Variants in ZSCAN20 observed in about 807,000 individuals in gnomAD.
ZSCAN20 encodes zinc finger and SCAN domain-containing protein 20.
ZSCAN20 carries 39 observed loss-of-function variants against 97.1 expected under a neutral mutation model. The observed-to-expected ratio is 0.40, with a 90% CI of 0.31 to 0.52. ZSCAN20 has a LOEUF of 0.52. Ranked by LOEUF, ZSCAN20 falls within the 20% of genes least tolerant of loss-of-function variation. The pLI is 0.49. For synonymous variants in ZSCAN20, 456 were observed against 467.3 expected, an observed-to-expected ratio of 0.98 and a Z score of 0.31; for missense variants, 1,115 against 1,290.4, an observed-to-expected ratio of 0.86 and a Z score of 2.08.
At position 33,479,718 on chromosome 1, in the gene ZSCAN20, G is replaced by A; in HGVS notation, c.417+13G>A. ...TGCAGGACAGTCGGTGAGACAAACA[G>A]TCTTCTCCTGCAGAGGAGTGGGTCA... On this transcript the variant is annotated intron_variant, in intron 2 of 7. Coordinates refer to ENST00000684572, the MANE Select transcript of ZSCAN20 (RefSeq NM_001377376.1). 6.7e-7 allele frequency: 1 copy of A among 1,496,940 alleles called. No individual in the cohort carries two copies. The highest frequency in any genetic ancestry group is 8.9e-7 in the Non-Finnish European group (1 of 1,122,624). 92.7% of individuals were successfully genotyped at this position (1,496,940 alleles called of 1,614,324 possible).
chr1:33,482,298 AT>A (rs1652185246), intron 2 of ZSCAN20, among the ~76,000 whole-genome samples: 1 of 152,230 alleles, frequency 6.6e-6, no homozygotes, highest in African/African-American at 2.4e-5. Flanking sequence ...CTTTTAAAAA[AT>A]GTTACATAGT....
At chr1:33,481,442 G>C (rs1652152917) in intron 2 of ZSCAN20, among the ~76,000 whole-genome samples, 1 of 152,104 alleles carries the variant, frequency 6.6e-6, no homozygotes, top group Non-Finnish European at 1.5e-5. Context: ...AAAAAAATAA[G>C]GTAATGGAAT....
chr1:33,479,530 G>A lies in ZSCAN20; in HGVS notation c.242G>A (p.Arg81Lys), dbSNP rs750191938. 3 of 1,613,514 alleles carry A rather than the reference G, an allele frequency of 1.9e-6. No individual in the cohort carries two copies. Among genetic ancestry groups the A allele is most frequent in the Admixed American group, 3.3e-5 (2 of 59,968 alleles). Residue 81 changes from arginine to lysine, a missense_variant, in exon 2 of 8, where the codon AGG becomes AAG. This residue lies in a region of ZSCAN20 where 508 missense variants were observed against 611.2 expected (regional missense o/e 0.83). Coordinates refer to ENST00000684572, the MANE Select transcript of ZSCAN20 (RefSeq NM_001377376.1). ...QLWALCCRWL[R>K]PEIRLKEQIL... ...TGGGCTCTCTGCTGTCGTTGGCTGA[G>A]GCCGGAGATCCGTCTCAAAGAGCAG...
chr1:33,482,071 A>G (rs1557437426), intron 2 of ZSCAN20, among the ~76,000 whole-genome samples: 1 of 152,176 alleles, frequency 6.6e-6, no homozygotes, highest in East Asian at 1.9e-4. Flanking sequence ...AGTTTATGTT[A>G]GGGCTCTTAA....
chr1:33,489,320 C>T, intron 4 of ZSCAN20, 129 bp downstream of exon 4: 2 of 1,093,894 alleles, frequency 1.8e-6, no homozygotes, highest in Non-Finnish European at 2.7e-6. Flanking sequence ...TTAGCCTTTG[C>T]CCTTCACCCC....
At position 33,495,677 on chromosome 1, in the gene ZSCAN20, C is replaced by A; in HGVS notation, c.*201C>A. ...GCACTTTTAAGTGTAATTTGTTTTT[C>A]TTCTGTAAAGACCCACACAGAATCC... On this transcript the variant is annotated 3_prime_UTR_variant, in exon 8 of 8. Transcript: ENST00000684572. 1 of 444,952 alleles carries A rather than the reference C, an allele frequency of 2.2e-6. No homozygotes were observed. The highest frequency in any genetic ancestry group is 3.8e-6 in the Non-Finnish European group (1 of 262,336). The allele number at this position is 444,952 out of a possible 1,614,324, so 27.6% of individuals were successfully genotyped here.
In ZSCAN20 at chr1:33,498,412, C is replaced by T. The variant is rs1054563745; in HGVS notation, c.*2936C>T. 6.6e-6 allele frequency among the ~76,000 whole-genome samples: 1 copy of T among 152,144 alleles called. No individual in the cohort carries two copies. Among genetic ancestry groups the T allele is most frequent in the African/African-American group, 2.4e-5 (1 of 41,420 alleles). On this transcript the variant is annotated 3_prime_UTR_variant, in exon 8 of 8. Transcript: ENST00000684572. ...AGTGTGGGCCAGGTGAGAAAATGGC[C>T]CAGGTGGTCCCTTCCTCCTTGTCTA... is the stretch of plus-strand genomic sequence containing the variant.
At chr1:33,479,952 G>C (rs1312728213) in intron 2 of ZSCAN20, among the ~76,000 whole-genome samples, 1 of 152,150 alleles carries the variant, frequency 6.6e-6, no homozygotes, top group Non-Finnish European at 1.5e-5. Flanking sequence ...AACAGAGACA[G>C]AGAAAAGATA....
In ZSCAN20 at chr1:33,500,763, G is replaced by GA. The variant is rs1430822357; in HGVS notation, c.*5289dup. Among the ~76,000 whole-genome samples the GA allele has an allele frequency of 1.3e-5, 2 of 150,966 alleles. No homozygotes were observed. Among genetic ancestry groups the GA allele is most frequent in the Admixed American group, 1.3e-4 (2 of 15,104 alleles). ...ACGGGAAGGGGGATCAGGAAAACAA[G>GA]AATCAGTCTCTAAGCTGGTCCTGGA... On this transcript the variant is annotated 3_prime_UTR_variant, in exon 8 of 8. Coordinates refer to ENST00000684572, the MANE Select transcript of ZSCAN20 (RefSeq NM_001377376.1).
chr1:33,487,499 G>A (rs1197934567), intron 2 of ZSCAN20, among the ~76,000 whole-genome samples: 1 of 150,930 alleles, frequency 6.6e-6, no homozygotes, highest in South Asian at 2.1e-4. Flanking sequence ...ATATCTCTGA[G>A]TACCTTTTTT....
Position 33,494,363 on chromosome 1 carries a change from T to A in ZSCAN20, c.2019T>A (p.Asp673Glu), listed in dbSNP as rs1413854453. Residue 673 changes from aspartate to glutamate, a missense_variant, in exon 8 of 8, where the codon GAT becomes GAA. Physicochemically the swap from Asp to Glu is conservative, Grantham distance 45 (BLOSUM62 2). Coordinates refer to ENST00000684572, the MANE Select transcript of ZSCAN20 (RefSeq NM_001377376.1). ...AAGACAGTGAAAATGAAAATGAAGA[T>A]GAAGGGCAGTGGGGAAATCCCTCAC... ...WGEDSENENE[D>E]EGQWGNPSQE... 10 of 1,614,182 alleles carry A rather than the reference T, an allele frequency of 6.2e-6. No individual in the cohort carries two copies. The highest frequency in any genetic ancestry group is 7.6e-6 in the Non-Finnish European group (9 of 1,180,030).
chr1:33,486,864 G>T (rs1230311102), intron 2 of ZSCAN20, among the ~76,000 whole-genome samples: 1 of 152,108 alleles, frequency 6.6e-6, no homozygotes, highest in East Asian at 1.9e-4. Flanking sequence ...AATGGCCCTT[G>T]ATGCTCATGG....
intron 4 of ZSCAN20, 146 bp downstream of exon 4, chr1:33,489,337 G>T: frequency 9.6e-7 from 1 of 1,043,466 alleles, no homozygotes. Context: ...CCCCCAGCCT[G>T]CTGGGCCCCA....
Position 33,501,379 on chromosome 1 carries a change from A to T in ZSCAN20, c.*5903A>T, listed in dbSNP as rs1653063301. ...AATTGATTTTAATTCCCTCTTAGGGACTGTGAAATTAAAATGGATTAAATT... is the reference window on the plus strand; with the variant it reads ...AATTGATTTTAATTCCCTCTTAGGGTCTGTGAAATTAAAATGGATTAAATT... On this transcript the variant is annotated 3_prime_UTR_variant, in exon 8 of 8. Transcript: ENST00000684572. Among the ~76,000 whole-genome samples, 1 of 152,168 alleles carries T rather than the reference A, an allele frequency of 6.6e-6. No individual in the cohort carries two copies. Among genetic ancestry groups the T allele is most frequent in the South Asian group, 2.1e-4 (1 of 4,834 alleles).
rs766555476 is a variant in ZSCAN20 at position 33,494,730 on chromosome 1, T to C, written c.2386T>C (p.Cys796Arg). The C allele has an allele frequency of 1.9e-6, 3 of 1,613,998 alleles. No individual in the cohort carries two copies. Among genetic ancestry groups the C allele is most frequent in the African/African-American group, 1.3e-5 (1 of 74,910 alleles). ...TCACACGGGGGAAAAGCCCTATAAA[T>C]GTGGAGAATGTTGGAAAAGCTTCAA... ...RIHTGEKPYK[C>R]GECWKSFNQS... Residue 796 changes from cysteine (C) to arginine (R), a missense_variant, in exon 8 of 8, where the codon TGT (cysteine) becomes CGT (arginine). By Grantham distance (180) the Cys-to-Arg change is radical (BLOSUM62 -3). Coordinates refer to ENST00000684572, the MANE Select transcript of ZSCAN20 (RefSeq NM_001377376.1).
chr1:33,484,321 A>G (rs1652270617), intron 2 of ZSCAN20, among the ~76,000 whole-genome samples: 1 of 152,204 alleles, frequency 6.6e-6, no homozygotes, highest in Admixed American at 6.5e-5. Flanking sequence ...TGTTAGCTGT[A>G]GGTTTTTTGT....
Position 33,491,319 on chromosome 1 carries a change from G to A in ZSCAN20, c.1061G>A (p.Arg354His), listed in dbSNP as rs756135234. ...SEKLRTCHQNRQVYRAIAEQL... is the reference protein window; with the variant it reads ...SEKLRTCHQNHQVYRAIAEQL... ...AAGCTCCGGACTTGTCACCAGAACC[G>A]CCAGGTATATCGGGCCATTGCAGAG... Residue 354 changes from arginine (R) to histidine (H), a missense_variant, in exon 6 of 8, where the codon CGC becomes CAC. Transcript: ENST00000684572. This position sits in a 1 kb window ranked among gnomAD's most constrained non-coding sequence, Gnocchi z 4.3. 1.2e-6 allele frequency: 2 copies of A among 1,614,112 alleles called. No individual in the cohort carries two copies. Among genetic ancestry groups the A allele is most frequent in the South Asian group, 1.1e-5 (1 of 91,070 alleles).
rs930954903 is a variant in ZSCAN20, at chr1:33,499,360, C to G, written c.*3884C>G. On this transcript the variant is annotated 3_prime_UTR_variant, in exon 8 of 8. Coordinates refer to ENST00000684572, the MANE Select transcript of ZSCAN20 (RefSeq NM_001377376.1). Reference sequence around the variant, plus strand: ...CCCTTTCTCTTCTTTTTTTCTTTTCCTTTCTTTCTCTCTTTTCTTCTGTGT... The same window carrying G: ...CCCTTTCTCTTCTTTTTTTCTTTTCGTTTCTTTCTCTCTTTTCTTCTGTGT... Among the ~76,000 whole-genome samples, 42 of 151,962 alleles carry G rather than the reference C, an allele frequency of 2.8e-4. 1 individual carries two copies. In the Middle Eastern group the frequency reaches 0.014, roughly 49 times the overall value.
In ZSCAN20 at chr1:33,501,583, A is replaced by G. The variant is rs1243930714; in HGVS notation, c.*6107A>G. ...TATGTACATCTCTTAAAGCTGGTCA[A>G]ATCATATTTTGGGATGGAATGGCCT... On this transcript the variant is annotated 3_prime_UTR_variant, in exon 8 of 8. Coordinates refer to ENST00000684572, the MANE Select transcript of ZSCAN20 (RefSeq NM_001377376.1). 3.4e-5 allele frequency among the ~76,000 whole-genome samples: 5 copies of G among 145,376 alleles called. No homozygotes were observed. The highest frequency in any genetic ancestry group is 3.9e-4 in the East Asian group (2 of 5,076).
Sources: gnomAD v4.1 joint callset for allele counts (sites outside exome capture counted in the v4.1 genomes callset) on GRCh38, gnomAD v4.1.1 for gene constraint, gnomAD v4.1.1 regional missense constraint, Gnocchi (gnomAD v3.1) non-coding constraint, MANE v1.5 for transcripts, NCBI Gene and HGNC (gene_info 2026-07-23, HGNC 2026-07-21) for gene names.